The following CCDC66 variants were observed in gnomAD, a reference collection of about 807,000 sequenced individuals.
CCDC66 encodes coiled-coil domain containing 66.
Under a neutral mutation model 128.3 loss-of-function variants are expected in CCDC66, and 133 were observed. The observed-to-expected ratio is 1.04, with a 90% CI of 0.90 to 1.20. CCDC66 has a LOEUF of 1.20. Ranked by LOEUF, CCDC66 falls within the 50% of genes most tolerant of loss-of-function variation. The pLI is 0.00. For missense variants in CCDC66, 1,126 were observed against 1,075.5 expected (o/e 1.05, Z -0.66); for synonymous variants, 387 against 357.0 (o/e 1.08, Z -0.95).
intron 7 of CCDC66, among the ~76,000 whole-genome samples, chr3:56,584,834 A>C (rs2069316527): frequency 6.6e-6 from 1 of 151,966 alleles, no homozygotes; most frequent in African/African-American, 2.4e-5. Context: ...CTCCGTCTGC[A>C]ATCCCAGCAC....
intron 3 of CCDC66, chr3:56,561,333 C>T (rs2065070351): frequency 2.2e-6 from 1 of 452,528 alleles, no homozygotes; most frequent in Non-Finnish European, 4.4e-6. Flanking sequence ...CTGAAGATCC[C>T]CTTTATAGGC....
chr3:56,591,415 T>C (rs1382860096), intron 7 of CCDC66, among the ~76,000 whole-genome samples: 3 of 152,170 alleles, frequency 2.0e-5, no homozygotes, highest in Non-Finnish European at 4.4e-5. Flanking sequence ...TCTTTTAGCT[T>C]CCCTGGGTCA....
At chr3:56,577,439 T>G (rs2067571491) in intron 7 of CCDC66, among the ~76,000 whole-genome samples, 1 of 151,920 alleles carries the variant, frequency 6.6e-6, no homozygotes, top group Admixed American at 6.6e-5. Flanking sequence ...AGATCCCATT[T>G]GTCAATTTTA....
rs765415610 is a variant in CCDC66 at position 56,593,519 on chromosome 3, A to G, written c.1097A>G (p.His366Arg). ...KGEEHDRWAM[H>R]FDSLKSYPGS... ...GAGGAACATGACAGATGGGCAATGC[A>G]CTTTGATTCATTAAAGAGTTATCCT... The change falls in exon 9 of 18, where the codon CAC (histidine) becomes CGC (arginine). Residue 366 changes from histidine to arginine, a missense_variant. His to Arg is a conservative substitution (Grantham distance 29). Coordinates refer to ENST00000394672, the MANE Select transcript of CCDC66 (RefSeq NM_001141947.3). 3.1e-6 allele frequency: 5 copies of G among 1,614,158 alleles called. No homozygotes were observed. Among genetic ancestry groups the G allele is most frequent in the Non-Finnish European group, 4.2e-6 (5 of 1,180,006 alleles).
At chr3:56,588,516 A>G (rs2070248388) in intron 7 of CCDC66, among the ~76,000 whole-genome samples, 1 of 152,182 alleles carries the variant, frequency 6.6e-6, no homozygotes, top group Admixed American at 6.5e-5. Flanking sequence ...AAAAACCGCA[A>G]TTTACTTTTG....
chr3:56,621,201 T>C (rs543212830), intron 17 of CCDC66: 7 of 174,534 alleles, frequency 4.0e-5, no homozygotes, highest in East Asian at 3.0e-4. Flanking sequence ...AAACACTGTA[T>C]GTTAAGGGAG....
intron 7 of CCDC66, among the ~76,000 whole-genome samples, chr3:56,589,657 T>C (rs1431858577): frequency 6.6e-6 from 1 of 152,188 alleles, no homozygotes; most frequent in Non-Finnish European, 1.5e-5. Context: ...GAAAGGATGA[T>C]CTGTTAAAAA....
At chr3:56,605,155 A>G (rs1216401713) in intron 10 of CCDC66, among the ~76,000 whole-genome samples, 1 of 151,996 alleles carries the variant, frequency 6.6e-6, no homozygotes, top group Non-Finnish European at 1.5e-5. Context: ...CGGTTATTCT[A>G]GTTAGCAATT....
In CCDC66 at chr3:56,621,536, T is replaced by G. The variant is rs998920748; in HGVS notation, c.2765T>G (p.Leu922Arg). The change falls in exon 18 of 18, where the codon CTT (leucine) becomes CGT (arginine). Residue 922 changes from leucine (L) to arginine (R), a missense_variant. Transcript: ENST00000394672. ...CATATATCAATGTGATTTCAGGGCCTTCTCCAGAAGCAAAAGGAGTTGGAA... is the reference window on the plus strand; with the variant it reads ...CATATATCAATGTGATTTCAGGGCCGTCTCCAGAAGCAAAAGGAGTTGGAA... ...LKGLSELRQG[L>R]LQKQKELESS... 2 of 1,587,444 alleles carry G rather than the reference T, an allele frequency of 1.3e-6. No homozygotes were observed. The highest frequency in any genetic ancestry group is 1.7e-6 in the Non-Finnish European group (2 of 1,167,306).
Position 56,621,743 on chromosome 3 carries a change from T to A in CCDC66, c.*125T>A, listed in dbSNP as rs994618630. On this transcript the variant is annotated 3_prime_UTR_variant, in exon 18 of 18. Coordinates refer to ENST00000394672, the MANE Select transcript of CCDC66 (RefSeq NM_001141947.3). ...ATTTTTTTAAATGCTCATTAAAAACTTGTATACTATGTAGTAAAATGCTGT... is the reference window on the plus strand; with the variant it reads ...ATTTTTTTAAATGCTCATTAAAAACATGTATACTATGTAGTAAAATGCTGT... 1.9e-5 allele frequency: 11 copies of A among 578,534 alleles called. No individual in the cohort carries two copies. Among genetic ancestry groups the A allele is most frequent in the African/African-American group, 1.3e-4 (7 of 53,316 alleles). The allele number at this position is 578,534 out of a possible 1,614,324, so 35.8% of individuals were successfully genotyped here. A position where few individuals can be genotyped will look rare whatever the true frequency, so the allele number is the denominator to read the frequency against.
intron 7 of CCDC66, among the ~76,000 whole-genome samples, chr3:56,578,392 C>G (rs2067746801): frequency 6.6e-6 from 1 of 151,676 alleles, no homozygotes; most frequent in South Asian, 2.1e-4. Context: ...TATTTGAATA[C>G]CCTTTATTTC....
In CCDC66 at chr3:56,578,798, T is replaced by A. The variant is rs545984034; in HGVS notation, c.936+7496T>A. Among the ~76,000 whole-genome samples the A allele has an allele frequency of 2.0e-3, 302 of 152,048 alleles. 13 individuals are homozygous for A. The South Asian group carries it at 0.058, about 29-fold the overall frequency. ...GTGGATAAGCTTTTTGATGTGCTGC[T>A]GGATTCGGTTTGCCAGTATTTTATT... On this transcript the variant is annotated intron_variant, in intron 7 of 17. Transcript: ENST00000394672.
chr3:56,614,046 C>T (rs2075192331), intron 11 of CCDC66, among the ~76,000 whole-genome samples: 1 of 152,166 alleles, frequency 6.6e-6, no homozygotes, highest in Non-Finnish European at 1.5e-5. Context: ...AGCTACCATG[C>T]TTGGCCTCCT....
intron 7 of CCDC66, among the ~76,000 whole-genome samples, chr3:56,573,681 TC>T (rs1203984106): frequency 1.3e-5 from 2 of 152,152 alleles, no homozygotes; most frequent in African/African-American, 4.8e-5. Context: ...TTGGTTGGTA[TC>T]AGTGCTGACA....
At chr3:56,595,873 T>C (rs2071797890) in intron 10 of CCDC66, among the ~76,000 whole-genome samples, 1 of 152,208 alleles carries the variant, frequency 6.6e-6, no homozygotes, top group South Asian at 2.1e-4. Flanking sequence ...TTTTCTCCGC[T>C]TCCTTGGCAG....
intron 8 of CCDC66, 74 bp from the exon 9 acceptor site, chr3:56,593,417 C>G: frequency 6.6e-7 from 1 of 1,519,662 alleles, no homozygotes; most frequent in Non-Finnish European, 9.0e-7. Context: ...TAGAAATCAT[C>G]TTTGGTTGTC....
Position 56,603,000 on chromosome 3 carries a change from A to G in CCDC66, c.1404+8972A>G, listed in dbSNP as rs560820090. ...CAGGCGCCCACCATCACACCCAGCT[A>G]ATTTTTTGTATTTTTTAGTAGAGAC... On this transcript the variant is annotated intron_variant, in intron 10 of 17. Coordinates refer to ENST00000394672, the MANE Select transcript of CCDC66 (RefSeq NM_001141947.3). Among the ~76,000 whole-genome samples, 299 of 151,334 alleles carry G rather than the reference A, an allele frequency of 2.0e-3. 12 individuals carry two copies. In the South Asian group the frequency reaches 0.058, roughly 29 times the overall value.
intron 9 of CCDC66, 89 bp downstream of exon 9, chr3:56,593,830 G>A: frequency 1.9e-6 from 3 of 1,580,898 alleles, no homozygotes; most frequent in Non-Finnish European, 2.6e-6. Context: ...TTTCAGGTTT[G>A]GTATTTGTCT....
intron 17 of CCDC66, 33 bp downstream of exon 17, chr3:56,619,934 T>C: frequency 1.2e-6 from 2 of 1,603,550 alleles, no homozygotes; most frequent in Non-Finnish European, 1.7e-6. Context: ...ATATGTCTGT[T>C]CTTTATGTGG....
Sources: allele counts gnomAD v4.1 joint callset (sites outside exome capture counted in the v4.1 genomes callset), GRCh38; gene constraint gnomAD v4.1.1; transcripts MANE v1.5; gene names NCBI Gene and HGNC (gene_info 2026-07-23, HGNC 2026-07-21).